Variants in XDH observed in about 807,000 individuals in gnomAD.
The protein encoded by XDH is xanthine dehydrogenase/oxidase.
A neutral mutation model predicts 156.1 loss-of-function variants in XDH; 138 were observed. That is an observed-to-expected ratio of 0.88 (90% confidence interval 0.77 to 1.02). XDH has a LOEUF of 1.02. XDH is among the 50% of genes least tolerant of loss of function. The pLI, the probability that XDH is intolerant of heterozygous loss-of-function variation, is 0.00. For missense variants in XDH, 1,849 were observed against 1,684.9 expected (o/e 1.10, Z -1.71); for synonymous variants, 669 against 625.7 (o/e 1.07, Z -1.03).
chr2:31,391,095 G>T (rs1686748896), intron 6 of XDH, among the ~76,000 whole-genome samples: 1 of 152,088 alleles, frequency 6.6e-6, no homozygotes, highest in Admixed American at 6.5e-5. Context: ...TCTTCTAGGA[G>T]TTTTATTGCT....
chr2:31,375,390 T>C lies in XDH; in HGVS notation c.1592A>G (p.Asn531Ser). ...CCAGGCCCCACTCACGTCTTCCAGG[T>C]TCTCTTGGCCCAGCTTCTGAAGGAC... Reference protein sequence around the residue: ...LTVLQKLGQENLEDKCGKLDP... With the variant: ...LTVLQKLGQESLEDKCGKLDP... The change falls in exon 15 of 36, where the codon AAC becomes AGC. Residue 531 changes from asparagine (N) to serine (S), a missense_variant. Transcript: ENST00000379416. 6.2e-7 allele frequency: 1 copy of C among 1,614,166 alleles called. No individual in the cohort carries two copies. The highest frequency in any genetic ancestry group is 8.5e-7 in the Non-Finnish European group (1 of 1,180,030).
chr2:31,395,274 T>C (rs1156520998), intron 6 of XDH, among the ~76,000 whole-genome samples: 2 of 152,172 alleles, frequency 1.3e-5, no homozygotes, highest in South Asian at 2.1e-4. Context: ...GGGTTTTTTT[T>C]CTCCGTTTGG....
chr2:31,386,924 A>AAGGGAGGG lies in XDH; in HGVS notation c.652-377_652-370dup, dbSNP rs1224676323. Among the ~76,000 whole-genome samples the AAGGGAGGG allele has an allele frequency of 2.4e-5, 3 of 125,154 alleles. No homozygotes were observed. In the Admixed American group the frequency reaches 2.6e-4, roughly 11 times the overall value. The allele number at this position is 125,154 out of a possible 152,430, so 82.1% of individuals were successfully genotyped here. On this transcript the variant is annotated intron_variant, in intron 8 of 35. Coordinates refer to ENST00000379416, the MANE Select transcript of XDH (RefSeq NM_000379.4). ...GGGGGCACCATGGACAAGGCATGAGAAGGGAGGGAGGGAGGGAGAGAGGGA... is the reference window on the plus strand; with the variant it reads ...GGGGGCACCATGGACAAGGCATGAGAAGGGAGGGAGGGAGGGAGGGAGGGAGAGAGGGA...
intron 2 of XDH, among the ~76,000 whole-genome samples, chr2:31,405,122 G>T (rs1183273639): frequency 6.6e-6 from 1 of 152,128 alleles, no homozygotes; most frequent in Non-Finnish European, 1.5e-5. Flanking sequence ...GCAAAAGGCA[G>T]GTCACTTCAC....
In XDH at chr2:31,368,779, G is replaced by A. The variant is rs1181719930; in HGVS notation, c.1981-119C>T. 1.9e-6 allele frequency: 3 copies of A among 1,575,902 alleles called. No individual in the cohort carries two copies. In the South Asian group the frequency reaches 3.4e-5, roughly 18 times the overall value. On this transcript the variant is annotated intron_variant, in intron 18 of 35. Coordinates refer to ENST00000379416, the MANE Select transcript of XDH (RefSeq NM_000379.4). ...CCCTCACAATCAAAGCACACTTTAG[G>A]AATGCCCTAGGGCCTCTTAATTTCC... is the stretch of plus-strand genomic sequence containing the variant.
At chr2:31,391,373 C>CCATA (rs1223074044) in intron 6 of XDH, among the ~76,000 whole-genome samples, 1 of 152,042 alleles carries the variant, frequency 6.6e-6, no homozygotes, top group Admixed American at 6.6e-5. Flanking sequence ...TGGACAGTGT[C>CCATA]CATACTACAC....
chr2:31,349,595 T>C (rs925746245), intron 26 of XDH, 91 bp downstream of exon 26: 13 of 1,538,782 alleles, frequency 8.4e-6, no homozygotes, highest in South Asian at 1.1e-5. Context: ...AAGTTATCCA[T>C]TGAATTATTA....
At chr2:31,359,582 G>A (rs1276182013) in intron 24 of XDH, among the ~76,000 whole-genome samples, 2 of 152,102 alleles carry the variant, frequency 1.3e-5, no homozygotes, top group Non-Finnish European at 2.9e-5. Flanking sequence ...ATACCTAGAG[G>A]CCTACCTACT....
intron 3 of XDH, 77 bp from the exon 4 acceptor site, chr2:31,401,405 G>C: frequency 6.7e-7 from 1 of 1,499,230 alleles, no homozygotes; most frequent in African/African-American, 1.4e-5. Context: ...GAGCTCTGGA[G>C]GACTTTGTGA....
At position 31,350,082 on chromosome 2, in the gene XDH, C is replaced by T. The variant is rs755782316; in HGVS notation, c.2773G>A (p.Glu925Lys). The T allele has an allele frequency of 1.6e-5, 26 of 1,614,108 alleles. No homozygotes were observed. The highest frequency in any genetic ancestry group is 1.2e-4 in the African/African-American group (9 of 74,942). The change falls in exon 25 of 36, where the codon GAG becomes AAG. Residue 925 changes from glutamate to lysine, a missense_variant. By Grantham distance (56) the Glu-to-Lys change is moderately conservative (BLOSUM62 1). Coordinates refer to ENST00000379416, the MANE Select transcript of XDH (RefSeq NM_000379.4). ...ACTGCAACTTCACTCATCCAGCACTCGGCAATGAGCATCCCCTGGGGCCCC... is the reference window on the plus strand; with the variant it reads ...ACTGCAACTTCACTCATCCAGCACTTGGCAATGAGCATCCCCTGGGGCCCC... Reference protein sequence around the residue: ...FGGPQGMLIAECWMSEVAVTC... With the variant: ...FGGPQGMLIAKCWMSEVAVTC...
At chr2:31,363,549 A>C (rs45437499) in intron 24 of XDH, among the ~76,000 whole-genome samples, 5,964 of 152,292 alleles carry the variant, frequency 0.039, 366 homozygotes, top group African/African-American at 0.14. Context: ...GTGGTCTAAC[A>C]ACTCTTGAAA....
rs1011186336 is a variant in XDH at position 31,402,954 on chromosome 2, C to T, written c.197+94G>A. 36 of 1,345,734 alleles carry T rather than the reference C, an allele frequency of 2.7e-5. No homozygotes were observed. The African/African-American group carries it at 4.4e-4, about 17-fold the overall frequency. 83.4% of individuals were successfully genotyped at this position (1,345,734 alleles called of 1,614,324 possible). ...AAAAACAGGGGCTCACACATGCGCACATGCACATACACACATACACTCATG... is the reference window on the plus strand; with the variant it reads ...AAAAACAGGGGCTCACACATGCGCATATGCACATACACACATACACTCATG... On this transcript the variant is annotated intron_variant, in intron 3 of 35. Transcript: ENST00000379416.
intron 1 of XDH, among the ~76,000 whole-genome samples, chr2:31,408,265 A>G (rs538733726): frequency 3.6e-4 from 55 of 152,154 alleles, no homozygotes; most frequent in Non-Finnish European, 7.4e-4. Context: ...ATTTTGACTT[A>G]TCAGAAGACT....
At position 31,401,363 on chromosome 2, in the gene XDH, T is replaced by C. The variant is rs760546581; in HGVS notation, c.198-35A>G. On this transcript the variant is annotated intron_variant, in intron 3 of 35. Coordinates refer to ENST00000379416, the MANE Select transcript of XDH (RefSeq NM_000379.4). ...CAGATTAAGGTCATTCCATTTATTG[T>C]CCACTCAGATCATCAGAATGGGCCT... 3 of 1,606,890 alleles carry C rather than the reference T, an allele frequency of 1.9e-6. No homozygotes were observed. In the African/African-American group the frequency reaches 4.0e-5, roughly 21 times the overall value.
At chr2:31,364,779 A>C (rs576616176) in intron 23 of XDH, among the ~76,000 whole-genome samples, 30 of 152,320 alleles carry the variant, frequency 2.0e-4, no homozygotes, top group Middle Eastern at 3.4e-3. Flanking sequence ...GGCCCACAAG[A>C]ATTTGGGGCT....
At chr2:31,409,159 G>C (rs1474066096) in intron 1 of XDH, among the ~76,000 whole-genome samples, 1 of 152,188 alleles carries the variant, frequency 6.6e-6, no homozygotes, top group African/African-American at 2.4e-5. Flanking sequence ...TAGGGGGTAA[G>C]AGGAAAGTAG....
rs537924014 is a variant in XDH, at chr2:31,347,922, G to A, written c.3148-272C>T. Among the ~76,000 whole-genome samples the A allele has an allele frequency of 7.9e-5, 12 of 152,288 alleles. No homozygotes were observed. The South Asian group carries it at 1.0e-3, about 13-fold the overall frequency. On this transcript the variant is annotated intron_variant, in intron 28 of 35. Transcript: ENST00000379416. ...GATCCAATCTGGCCAGTCTCCATGC[G>A]CCAAGCAGATGTGCTGACTCTAATC...
Position 31,359,241 on chromosome 2 carries a change from A to T in XDH, c.2631+4917T>A, listed in dbSNP as rs186001246. Among the ~76,000 whole-genome samples, 583 of 152,116 alleles carry T rather than the reference A, an allele frequency of 3.8e-3. 1 individual carries two copies. The highest frequency in any genetic ancestry group is 0.014 in the Middle Eastern group (4 of 294). ...AATATAATTTGATCATTTCTTTTTTAAAAAAAATCAATAGAAATTAGGTAG... is the reference window on the plus strand; with the variant it reads ...AATATAATTTGATCATTTCTTTTTTTAAAAAAATCAATAGAAATTAGGTAG... On this transcript the variant is annotated intron_variant, in intron 24 of 35. Transcript: ENST00000379416.
chr2:31,334,676 G>C lies in XDH; in HGVS notation c.*1282C>G, dbSNP rs1186970352. On this transcript the variant is annotated 3_prime_UTR_variant, in exon 36 of 36. Coordinates refer to ENST00000379416, the MANE Select transcript of XDH (RefSeq NM_000379.4). ...GGAGTTTTCAGGTCATATATTTATA[G>C]GCTTTTAAAGCAGAAGACGTGAGAC... 3 of 152,062 alleles carry C rather than the reference G, an allele frequency of 2.0e-5. No individual in the cohort carries two copies. Among genetic ancestry groups the C allele is most frequent in the African/African-American group, 7.2e-5 (3 of 41,392 alleles). 9.4% of individuals were successfully genotyped at this position (152,062 alleles called of 1,614,324 possible). A position where few individuals can be genotyped will look rare whatever the true frequency, so the allele number is the denominator to read the frequency against.
Sources: gnomAD v4.1 joint callset for allele counts (sites outside exome capture counted in the v4.1 genomes callset) on GRCh38, gnomAD v4.1.1 for gene constraint, MANE v1.5 for transcripts, NCBI Gene and HGNC (gene_info 2026-07-23, HGNC 2026-07-21) for gene names.